Variants in TBL1Y observed in about 807,000 individuals in gnomAD.
TBL1Y encodes F-box-like/WD repeat-containing protein TBL1Y.
TBL1Y carries 15 observed loss-of-function variants against 12.0 expected under a neutral mutation model. The ratio of observed to expected loss-of-function variants is 1.25; its 90% CI spans 0.83 to 1.92. TBL1Y has a LOEUF of 1.92. Ranked by LOEUF, TBL1Y falls within the 40% of genes most tolerant of loss-of-function variation. The probability of loss-of-function intolerance (pLI) is 0.00; values close to 1 mark genes in which losing one functional copy is unlikely to be tolerated. For synonymous variants in TBL1Y, 53 were observed against 42.6 expected (o/e 1.24, Z -0.95); for missense variants, 148 against 116.7 (o/e 1.27, Z -1.24).
intron 4 of TBL1Y, among the ~76,000 whole-genome samples, chrY:6,997,829 T>G: frequency 2.9e-5 from 1 of 34,201 alleles, no homozygotes; most frequent in South Asian, 6.5e-4. Context: ...TTTCAGCCCC[T>G]GTATCAGTTA....
chrY:7,042,478 C>T, intron 6 of TBL1Y, among the ~76,000 whole-genome samples: 6 of 29,541 alleles, frequency 2.0e-4, no homozygotes, highest in Non-Finnish European at 4.0e-4. Context: ...CTGCAACCTC[C>T]GTTTCCCAGG....
intron 3 of TBL1Y, among the ~76,000 whole-genome samples, chrY:6,993,026 G>C (rs937492902): frequency 3.3e-4 from 11 of 33,074 alleles, no homozygotes; most frequent in African/African-American, 1.2e-4. Flanking sequence ...TTTGAGAGGA[G>C]ATTAGGAGCA....
rs1251640543 is a variant in TBL1Y, at chrY:7,070,806, G to A, written c.677G>A (p.Arg226Gln). ...STQLVLRHCIREGGHDVPSNK... is the reference protein window; with the variant it reads ...STQLVLRHCIQEGGHDVPSNK... ...CAGCTCGTGTTGAGACATTGTATAC[G>A]AGAAGGGGGGCACGACGTCCCAAGT... is the stretch of plus-strand genomic sequence containing the variant. Residue 226 changes from arginine to glutamine, a missense_variant, in exon 10 of 19, where the codon CGA (arginine) becomes CAA (glutamine). Physicochemically the swap from Arg to Gln is conservative, Grantham distance 43. Coordinates refer to ENST00000383032, the MANE Select transcript of TBL1Y (RefSeq NM_033284.2). The A allele has an allele frequency of 2.5e-6, 1 of 395,807 alleles. No homozygotes were observed. The highest frequency in any genetic ancestry group is 7.7e-5 in the Admixed American group (1 of 13,008).
At chrY:7,067,193 G>A in intron 8 of TBL1Y, among the ~76,000 whole-genome samples, 3 of 33,512 alleles carry the variant, frequency 9.0e-5, no homozygotes, top group Admixed American at 5.4e-4. Flanking sequence ...TGGAACAGGA[G>A]CTGTGGCTCA....
intron 4 of TBL1Y, among the ~76,000 whole-genome samples, chrY:7,005,002 T>C: frequency 3.0e-5 from 1 of 33,472 alleles, no homozygotes; most frequent in South Asian, 6.9e-4. Flanking sequence ...TCATGATCCA[T>C]GAAAATTAAG....
chrY:7,001,551 G>A (rs2012451673), intron 4 of TBL1Y, among the ~76,000 whole-genome samples: 1 of 32,140 alleles, frequency 3.1e-5, no homozygotes, highest in Non-Finnish European at 7.6e-5. Context: ...CCCGGGAGGC[G>A]GAGCTTGCAG....
rs767939259 is a variant in TBL1Y at position 6,922,930 on chromosome Y, C to T, written c.-266+10758C>T. ...CGCAGGCCGAGACCGCGCGCAGCCC[C>T]GGCTCCCGCCCACGCTTTTACCTCC... On this transcript the variant is annotated intron_variant, in intron 2 of 18. Transcript: ENST00000383032. Among the ~76,000 whole-genome samples, 8 of 34,474 alleles carry T rather than the reference C, an allele frequency of 2.3e-4. No individual in the cohort carries two copies. In the South Asian group the frequency reaches 5.2e-3, roughly 22 times the overall value. 92.5% of individuals were successfully genotyped at this position (34,474 alleles called of 37,273 possible). A position where few individuals can be genotyped will look rare whatever the true frequency, so the allele number is the denominator to read the frequency against.
At chrY:7,075,506 C>T in intron 13 of TBL1Y, among the ~76,000 whole-genome samples, 4 of 33,644 alleles carry the variant, frequency 1.2e-4, no homozygotes, top group Admixed American at 1.1e-3. Context: ...TGGTGCTGAG[C>T]ATACTGGAGA....
chrY:6,917,122 G>T, intron 2 of TBL1Y, among the ~76,000 whole-genome samples: 4 of 34,527 alleles, frequency 1.2e-4, no homozygotes, highest in Non-Finnish European at 2.2e-4. Context: ...GCCGGAACAG[G>T]TCTGTTGTCC....
intron 2 of TBL1Y, among the ~76,000 whole-genome samples, chrY:6,961,110 A>T (rs2012121536): frequency 9.0e-5 from 3 of 33,162 alleles, no homozygotes; most frequent in African/African-American, 3.6e-4. Flanking sequence ...CTTCAATAGG[A>T]TTATCTCTCC....
At chrY:6,939,363 T>G (rs2011928355) in intron 2 of TBL1Y, among the ~76,000 whole-genome samples, 1 of 33,435 alleles carries the variant, frequency 3.0e-5, no homozygotes, top group African/African-American at 1.2e-4. Context: ...GAGCGCTGAT[T>G]GGGGCGTTTA....
Position 7,043,412 on chromosome Y carries a change from T to G in TBL1Y, c.204+287T>G, listed in dbSNP as rs771381788. ...GGTACATACCTGTTGTCCCAGCTAC[T>G]CAGGAATCTGAGCCGAGAGAATGAT... On this transcript the variant is annotated intron_variant, in intron 7 of 18. Transcript: ENST00000383032. 9.7e-5 allele frequency among the ~76,000 whole-genome samples: 3 copies of G among 31,017 alleles called. No individual in the cohort carries two copies. In the East Asian group the frequency reaches 2.5e-3, roughly 26 times the overall value. The allele number at this position is 31,017 out of a possible 37,273, so 83.2% of individuals were successfully genotyped here.
intron 7 of TBL1Y, among the ~76,000 whole-genome samples, chrY:7,059,810 GCTTCCTGTA>G: frequency 3.0e-5 from 1 of 33,325 alleles, no homozygotes; most frequent in East Asian, 7.8e-4. Flanking sequence ...ATTTGACAGT[GCTTCCTGTA>G]TGGTTTTTAT....
chrY:7,025,270 G>C, intron 6 of TBL1Y, 128 bp downstream of exon 6: 1 of 181,857 alleles, frequency 5.5e-6, no homozygotes, highest in Non-Finnish European at 9.8e-6. Context: ...TGCTAACAGG[G>C]AGAAGAGAAG....
At chrY:7,078,790 T>A in intron 13 of TBL1Y, among the ~76,000 whole-genome samples, 2 of 33,535 alleles carry the variant, frequency 6.0e-5, no homozygotes, top group African/African-American at 2.3e-4. Flanking sequence ...GGAGATTGTT[T>A]GAGAAGGCAC....
intron 2 of TBL1Y, among the ~76,000 whole-genome samples, chrY:6,917,969 CTCT>C (rs2011747464): frequency 3.0e-5 from 1 of 33,103 alleles, no homozygotes; most frequent in Admixed American, 2.8e-4. Flanking sequence ...TCATCTCATT[CTCT>C]TCTTACAGCT....
chrY:6,934,947 G>A (rs2011893103), intron 2 of TBL1Y, among the ~76,000 whole-genome samples: 2 of 32,726 alleles, frequency 6.1e-5, no homozygotes, highest in African/African-American at 2.4e-4. Flanking sequence ...CCTTGTGATC[G>A]AGCGATCCTA....
chrY:6,964,339 A>T, intron 2 of TBL1Y, among the ~76,000 whole-genome samples: 3 of 34,030 alleles, frequency 8.8e-5, no homozygotes, highest in Admixed American at 5.4e-4. Flanking sequence ...CAACCTTGCC[A>T]CAAAGTCTGG....
At chrY:7,014,967 C>G (rs1052295914) in intron 4 of TBL1Y, among the ~76,000 whole-genome samples, 5 of 33,429 alleles carry the variant, frequency 1.5e-4, no homozygotes, top group African/African-American at 5.8e-4. Flanking sequence ...ATGGGTAAGG[C>G]TCATGCAGAA....
Sources: allele counts gnomAD v4.1 joint callset (sites outside exome capture counted in the v4.1 genomes callset), GRCh38; gene constraint gnomAD v4.1.1; transcripts MANE v1.5; gene names NCBI Gene and HGNC (gene_info 2026-07-23, HGNC 2026-07-21).